Variants in SNAPC3 observed in about 807,000 individuals in gnomAD.
SNAPC3 encodes snRNA-activating protein complex subunit 3.
In SNAPC3, 56 loss-of-function variants were observed where a neutral mutation model predicts 47.7. The observed-to-expected ratio is 1.18, with a 90% confidence interval of 0.95 to 1.47. SNAPC3 has a LOEUF of 1.47. Ranked by LOEUF, SNAPC3 falls within the 40% of genes most tolerant of loss-of-function variation. The pLI is 0.00. For synonymous variants in SNAPC3, 235 were observed against 189.9 expected (o/e 1.24, Z -1.95); for missense variants, 665 against 511.3 (o/e 1.30, Z -2.90).
chr9:15,455,406 A>G lies in SNAPC3; in HGVS notation c.980+2201A>G, dbSNP rs183350675. ...ACATGGTGAAATCCTGTCTCTACTA[A>G]AAATACAAAAATTAGCCAGGTGTGG... On this transcript the variant is annotated intron_variant, in intron 7 of 8. Transcript: ENST00000380821. Among the ~76,000 whole-genome samples, 693 of 152,198 alleles carry G rather than the reference A, an allele frequency of 4.6e-3. 2 individuals are homozygous for G. The highest frequency in any genetic ancestry group is 0.01 in the Middle Eastern group (3 of 294).
In SNAPC3 at chr9:15,451,348, T is replaced by G. The variant is rs756574458; in HGVS notation, c.761T>G (p.Phe254Cys). Residue 254 changes from phenylalanine to cysteine, a missense_variant, in exon 6 of 9, where the codon TTT becomes TGT. Phe to Cys is a radical substitution (Grantham distance 205). Transcript: ENST00000380821. ...CTATACAAATCAGCCTTCTTTTATT[T>G]TGAAGGAACATTTTATAATGATAAA... ...KDLYKSAFFY[F>C]EGTFYNDKRY... The G allele has an allele frequency of 6.5e-7, 1 of 1,544,432 alleles. No individual in the cohort carries two copies. The highest frequency in any genetic ancestry group is 1.4e-5 in the African/African-American group (1 of 73,596).
chr9:15,428,723 A>G (rs924499985), intron 2 of SNAPC3, among the ~76,000 whole-genome samples: 3 of 152,168 alleles, frequency 2.0e-5, no homozygotes, highest in Non-Finnish European at 4.4e-5. Flanking sequence ...TCATAAGTGA[A>G]TAAATTGTAA....
chr9:15,449,555 ATATATATATTTTTTT>A (rs1157524796), intron 5 of SNAPC3, among the ~76,000 whole-genome samples: 1 of 38,698 alleles, frequency 2.6e-5, no homozygotes, highest in African/African-American at 1.1e-4. Flanking sequence ...ATATATATAT[ATATATATATTTTTTT>A]TTTTTTTTTT....
In SNAPC3 at chr9:15,459,921, GTTACCTTA is replaced by G; in HGVS notation, c.*58_*65del. On this transcript the variant is annotated 3_prime_UTR_variant, in exon 9 of 9. Coordinates refer to ENST00000380821, the MANE Select transcript of SNAPC3 (RefSeq NM_001039697.2). ...CATGAAATAACTGTTCTCTTGGATG[GTTACCTTA>G]TTTCTAAGAAACGCCACTGAGGAAC... is the stretch of plus-strand genomic sequence containing the variant. 2.7e-6 allele frequency: 4 copies of G among 1,508,756 alleles called. No individual in the cohort carries two copies. The highest frequency in any genetic ancestry group is 3.6e-6 in the Non-Finnish European group (4 of 1,104,798). The allele number at this position is 1,508,756 out of a possible 1,614,324, so 93.5% of individuals were successfully genotyped here.
chr9:15,447,105 A>C lies in SNAPC3; in HGVS notation c.593A>C (p.His198Pro). 2 of 1,614,100 alleles carry C rather than the reference A, an allele frequency of 1.2e-6. No homozygotes were observed. Among genetic ancestry groups the C allele is most frequent in the Non-Finnish European group, 8.5e-7 (1 of 1,179,952 alleles). The part of the protein sequence containing the change: ...YPVIFHKHKE[H>P]KPYQTMLVLG... ...TTCTTTGACTTTTAGCACAAAGAAC[A>C]CAAACCATACCAAACAATGCTGGTG... The change falls in exon 5 of 9, where the codon CAC becomes CCC. Residue 198 changes from histidine (H) to proline (P), a missense_variant. Physicochemically the swap from His to Pro is moderately conservative, Grantham distance 77 (BLOSUM62 -2). Coordinates refer to ENST00000380821, the MANE Select transcript of SNAPC3 (RefSeq NM_001039697.2).
At chr9:15,457,782 T>C (rs2034906476) in intron 7 of SNAPC3, among the ~76,000 whole-genome samples, 178 bp from the exon 8 acceptor site, 1 of 152,150 alleles carries the variant, frequency 6.6e-6, no homozygotes, top group South Asian at 2.1e-4. Flanking sequence ...GGAGAAAGTA[T>C]TTTGTGGAAC....
chr9:15,438,456 C>A (rs188915079), intron 3 of SNAPC3, among the ~76,000 whole-genome samples: 1 of 152,028 alleles, frequency 6.6e-6, no homozygotes, highest in East Asian at 1.9e-4. Flanking sequence ...ATTTTCTATT[C>A]TTTTTCACTT....
At chr9:15,434,396 C>G (rs966175273) in intron 3 of SNAPC3, among the ~76,000 whole-genome samples, 1 of 149,054 alleles carries the variant, frequency 6.7e-6, no homozygotes, top group Non-Finnish European at 1.5e-5. Context: ...CTTTTTTGTC[C>G]TTTTCTGTAT....
Position 15,459,742 on chromosome 9 carries a change from T to C in SNAPC3, c.1112T>C (p.Phe371Ser), listed in dbSNP as rs2035060179. 6.2e-7 allele frequency: 1 copy of C among 1,613,530 alleles called. No individual in the cohort carries two copies. Among genetic ancestry groups the C allele is most frequent in the South Asian group, 1.1e-5 (1 of 90,862 alleles). ...TARWVTNNDSFAPEDPCFFCD... is the reference protein window; with the variant it reads ...TARWVTNNDSSAPEDPCFFCD... ...AGATGGGTGACGAACAATGACAGTT[T>C]TGCACCAGAGGACCCATGCTTCTTT... Residue 371 changes from phenylalanine to serine, a missense_variant, in exon 9 of 9, where the codon TTT becomes TCT. By Grantham distance (155) the Phe-to-Ser change is radical. Coordinates refer to ENST00000380821, the MANE Select transcript of SNAPC3 (RefSeq NM_001039697.2).
intron 7 of SNAPC3, among the ~76,000 whole-genome samples, chr9:15,457,450 C>T (rs1436041680): frequency 6.6e-6 from 1 of 152,036 alleles, no homozygotes; most frequent in Non-Finnish European, 1.5e-5. Context: ...AAAAAATTAT[C>T]TGGGTGTGGT....
At chr9:15,425,352 G>A (rs2031225035) in intron 2 of SNAPC3, among the ~76,000 whole-genome samples, 2 of 152,070 alleles carry the variant, frequency 1.3e-5, no homozygotes, top group Admixed American at 1.3e-4. Flanking sequence ...GGAGTAGCTG[G>A]GATTACCGGT....
rs2032459009 is a variant in SNAPC3 at position 15,433,717 on chromosome 9, T to C, written c.477+81T>C. ...TGGCTGAGGGTTAGTAATGACAGTATGGTAGCTTTATACTGGATATGCTTA... is the reference window on the plus strand; with the variant it reads ...TGGCTGAGGGTTAGTAATGACAGTACGGTAGCTTTATACTGGATATGCTTA... On this transcript the variant is annotated intron_variant, in intron 3 of 8. Coordinates refer to ENST00000380821, the MANE Select transcript of SNAPC3 (RefSeq NM_001039697.2). 3 of 873,414 alleles carry C rather than the reference T, an allele frequency of 3.4e-6. No homozygotes were observed. The East Asian group carries it at 7.3e-5, about 21-fold the overall frequency. The allele number at this position is 873,414 out of a possible 1,614,324, so 54.1% of individuals were successfully genotyped here. A position where few individuals can be genotyped will look rare whatever the true frequency, so the allele number is the denominator to read the frequency against.
At chr9:15,444,456 G>A (rs1043927301) in intron 3 of SNAPC3, 146 bp from the exon 4 acceptor site, 1 of 574,738 alleles carries the variant, frequency 1.7e-6, no homozygotes, top group Non-Finnish European at 3.1e-6. Flanking sequence ...CTAAAGCTTA[G>A]AGATGTCTTA....
At chr9:15,430,823 T>C (rs2032045461) in intron 2 of SNAPC3, among the ~76,000 whole-genome samples, 1 of 152,154 alleles carries the variant, frequency 6.6e-6, no homozygotes, top group South Asian at 2.1e-4. Context: ...TTCAGAGTAA[T>C]TTCCAGTACA....
chr9:15,466,421 CTT>C (rs1001782359), downstream of SNAPC3, among the ~76,000 whole-genome samples: 4 of 152,182 alleles, frequency 2.6e-5, no homozygotes, highest in Non-Finnish European at 5.9e-5. Flanking sequence ...CTCCATCTAA[CTT>C]TTTACAATTA....
At chr9:15,448,232 A>G (rs771264724) in intron 5 of SNAPC3, among the ~76,000 whole-genome samples, 7 of 152,030 alleles carry the variant, frequency 4.6e-5, no homozygotes, top group African/African-American at 9.7e-5. Context: ...CTGAGGTTTC[A>G]TGTTAACTTT....
At position 15,447,517 on chromosome 9, in the gene SNAPC3, G is replaced by GTT. The variant is rs60318769; in HGVS notation, c.732+281_732+282dup. On this transcript the variant is annotated intron_variant, in intron 5 of 8. Coordinates refer to ENST00000380821, the MANE Select transcript of SNAPC3 (RefSeq NM_001039697.2). ...TAGTGACCACCTAATTTTCTTTTTT[G>GTT]TTTTTTTTTGTTTTTTGTTTTTTTG... Among the ~76,000 whole-genome samples, 134 of 150,300 alleles carry GTT rather than the reference G, an allele frequency of 8.9e-4. No homozygotes were observed. In the South Asian group the frequency reaches 0.014, roughly 16 times the overall value.
intron 3 of SNAPC3, among the ~76,000 whole-genome samples, chr9:15,444,321 C>T (rs1271842834): frequency 6.6e-6 from 1 of 152,214 alleles, no homozygotes; most frequent in African/African-American, 2.4e-5. Context: ...GTTGATACTC[C>T]TGTTTGCTCA....
chr9:15,429,119 A>G (rs2031822642), intron 2 of SNAPC3, among the ~76,000 whole-genome samples: 2 of 152,220 alleles, frequency 1.3e-5, no homozygotes, highest in Non-Finnish European at 2.9e-5. Context: ...AGAACATATA[A>G]CTTACAAAGG....
Sources: allele counts gnomAD v4.1 joint callset (sites outside exome capture counted in the v4.1 genomes callset), GRCh38; gene constraint gnomAD v4.1.1; transcripts MANE v1.5; gene names NCBI Gene and HGNC (gene_info 2026-07-23, HGNC 2026-07-21).